Variants in STX18 observed in about 807,000 individuals in gnomAD.
The protein encoded by STX18 is syntaxin-18.
STX18 carries 40 observed loss-of-function variants against 50.1 expected under a neutral mutation model. The ratio of observed to expected loss-of-function variants is 0.80; its 90% CI spans 0.62 to 1.04. STX18 has a LOEUF of 1.04. Among genes scored for constraint, STX18 ranks in the 50% least tolerant of loss-of-function variants. The probability of loss-of-function intolerance (pLI) is 0.00; values close to 1 mark genes in which losing one functional copy is unlikely to be tolerated. For synonymous variants in STX18, 158 were observed against 151.8 expected (o/e 1.04, Z -0.30); for missense variants, 410 against 415.8 (o/e 0.99, Z 0.12).
chr4:4,500,882 CA>C (rs1487955382), intron 1 of STX18, among the ~76,000 whole-genome samples: 2 of 151,952 alleles, frequency 1.3e-5, no homozygotes, highest in Non-Finnish European at 2.9e-5. Flanking sequence ...CTAAAAAATA[CA>C]AAAATTAGCT....
chr4:4,468,208 G>C (rs1202782703), intron 2 of STX18, among the ~76,000 whole-genome samples: 1 of 152,050 alleles, frequency 6.6e-6, no homozygotes, highest in Middle Eastern at 3.4e-3. Context: ...CTTAGTCTTA[G>C]AATACAGCCT....
At chr4:4,435,539 A>C (rs1483934667) in intron 6 of STX18, among the ~76,000 whole-genome samples, 2 of 152,198 alleles carry the variant, frequency 1.3e-5, no homozygotes, top group Non-Finnish European at 2.9e-5. Flanking sequence ...TACATCTTGG[A>C]GATGGTCCAA....
intron 1 of STX18, among the ~76,000 whole-genome samples, chr4:4,485,943 A>G (rs1461174206): frequency 6.6e-6 from 1 of 152,134 alleles, no homozygotes; most frequent in Non-Finnish European, 1.5e-5. Context: ...CTAGAATTCC[A>G]TGAGCAGCCT....
chr4:4,457,190 C>G lies in STX18; in HGVS notation c.497+1G>C, dbSNP rs1291751471. 2 of 1,613,002 alleles carry G rather than the reference C, an allele frequency of 1.2e-6. No homozygotes were observed. The highest frequency in any genetic ancestry group is 2.7e-5 in the African/African-American group (2 of 74,912). ...GAAACACCAATGAAAGCAATACTTA[C>G]AATCTTTTCTTATCCACCACTCTTT... On this transcript the variant is annotated splice_donor_variant, in intron 5 of 10. Transcript: ENST00000306200. LOFTEE classifies it high-confidence loss of function.
At chr4:4,513,135 ACACAGGAAATCCTTCCCTGGTTGT>A (rs768566400) in intron 1 of STX18, among the ~76,000 whole-genome samples, 59 of 152,344 alleles carry the variant, frequency 3.9e-4, no homozygotes, top group Middle Eastern at 3.4e-3. Context: ...GAGGAGACAG[ACACAGGAAATCCTTCCCTGGTTGT>A]CTCTTTAGGA....
chr4:4,420,251 A>G lies in STX18; in HGVS notation c.913-122T>C, dbSNP rs1724860984. ...TGGCTGTAACTATGGGTGTCGTTCC[A>G]TCTGTGCTTACCTTGAATAGATGGC... On this transcript the variant is annotated intron_variant, in intron 10 of 10. Transcript: ENST00000306200. This position sits in a 1 kb window ranked among gnomAD's most constrained non-coding sequence, Gnocchi z 4.3. The G allele has an allele frequency of 2.6e-5, 19 of 725,824 alleles. No individual in the cohort carries two copies. Among genetic ancestry groups the G allele is most frequent in the Non-Finnish European group, 4.2e-5 (18 of 426,220 alleles). The allele number at this position is 725,824 out of a possible 1,614,324, so 45.0% of individuals were successfully genotyped here.
chr4:4,485,594 G>A (rs765421906), intron 1 of STX18, among the ~76,000 whole-genome samples: 2 of 152,164 alleles, frequency 1.3e-5, no homozygotes, highest in Non-Finnish European at 2.9e-5. Flanking sequence ...GATACTCTTA[G>A]TAGAAGAGGC....
chr4:4,438,459 G>C lies in STX18; in HGVS notation c.548C>G (p.Ser183Cys), dbSNP rs769831978. 1.7e-5 allele frequency: 27 copies of C among 1,613,782 alleles called. No homozygotes were observed. In the Admixed American group the frequency reaches 4.3e-4, roughly 26 times the overall value. Residue 183 changes from serine (S) to cysteine (C), a missense_variant, in exon 6 of 11, where the codon TCT becomes TGT. By Grantham distance (112) the Ser-to-Cys change is moderately radical. Coordinates refer to ENST00000306200, the MANE Select transcript of STX18 (RefSeq NM_016930.4). ...PNTKTRESTS[S>C]EKVSQSPSKD... ...TGAAGGACTCTGTGAAACTTTCTCA[G>C]AAGATGTGGATTCTCTTGTCTTTGT...
chr4:4,490,672 C>T (rs1728902636), intron 1 of STX18, among the ~76,000 whole-genome samples: 1 of 152,102 alleles, frequency 6.6e-6, no homozygotes, highest in South Asian at 2.1e-4. Flanking sequence ...GCTCCTATAA[C>T]AATCACTAAG....
chr4:4,421,480 CTT>C (rs760904430), intron 9 of STX18, among the ~76,000 whole-genome samples: 27 of 152,198 alleles, frequency 1.8e-4, no homozygotes, highest in Non-Finnish European at 3.5e-4. Flanking sequence ...GTCTTGAACT[CTT>C]GAGCTCACAC....
intron 7 of STX18, among the ~76,000 whole-genome samples, chr4:4,428,978 T>C (rs543118998): frequency 1.3e-5 from 2 of 152,340 alleles, no homozygotes; most frequent in South Asian, 4.1e-4. Flanking sequence ...GCTCCCTGCA[T>C]TGGCCCATCT....
rs756411297 is a variant in STX18, at chr4:4,423,550, G to A, written c.799C>T (p.Gln267Ter). Residue 267 changes from glutamine to a stop codon, truncating the protein, a stop_gained, in exon 9 of 11, where the codon CAA becomes TAA. Coordinates refer to ENST00000306200, the MANE Select transcript of STX18 (RefSeq NM_016930.4). LOFTEE classifies it high-confidence loss of function. ...AAAACCTTTTCCGTGAATATCTCTT[G>A]GAGTCTGGAAATCTCAACCACTCTC... The part of the protein sequence containing the change: ...EGRVVEISRL[Q>*]EIFTEKVLQQ... 1.2e-6 allele frequency: 2 copies of A among 1,614,122 alleles called. No individual in the cohort carries two copies. Among genetic ancestry groups the A allele is most frequent in the Admixed American group, 3.3e-5 (2 of 60,016 alleles).
chr4:4,422,236 A>AG (rs1725006768), intron 9 of STX18, among the ~76,000 whole-genome samples: 1 of 127,666 alleles, frequency 7.8e-6, no homozygotes, highest in African/African-American at 3.7e-5. Flanking sequence ...ACACTGATGG[A>AG]AAAAACAAGA....
At chr4:4,484,931 G>A (rs1020311263) in intron 1 of STX18, among the ~76,000 whole-genome samples, 2 of 152,242 alleles carry the variant, frequency 1.3e-5, no homozygotes, top group Admixed American at 1.3e-4. Flanking sequence ...AAAGAGGAAG[G>A]GAGGAGGGAG....
At position 4,420,220 on chromosome 4, in the gene STX18, T is replaced by C. The variant is rs1414908370; in HGVS notation, c.913-91A>G. ...GCCCCCCTCTTCCCACGTGCTCTCC[T>C]GATCCTGGCTGTAACTATGGGTGTC... On this transcript the variant is annotated intron_variant, in intron 10 of 10. Coordinates refer to ENST00000306200, the MANE Select transcript of STX18 (RefSeq NM_016930.4). The surrounding 1 kb of genome is among the most constrained non-coding windows in gnomAD (Gnocchi z 4.3). 2.7e-5 allele frequency: 26 copies of C among 960,872 alleles called. No individual in the cohort carries two copies. In the Admixed American group the frequency reaches 5.3e-4, roughly 20 times the overall value. 59.5% of individuals were successfully genotyped at this position (960,872 alleles called of 1,614,324 possible). A position where few individuals can be genotyped will look rare whatever the true frequency, so the allele number is the denominator to read the frequency against.
chr4:4,508,435 A>G (rs1181641680), intron 1 of STX18, among the ~76,000 whole-genome samples: 2 of 152,180 alleles, frequency 1.3e-5, no homozygotes, highest in Non-Finnish European at 2.9e-5. Context: ...GATTATATAT[A>G]AAATATACAT....
At chr4:4,504,025 A>G (rs1729580888) in intron 1 of STX18, among the ~76,000 whole-genome samples, 1 of 152,240 alleles carries the variant, frequency 6.6e-6, no homozygotes, top group Admixed American at 6.5e-5. Context: ...CATGAATAAA[A>G]ATGTGTAAAG....
intron 1 of STX18, among the ~76,000 whole-genome samples, chr4:4,473,691 G>A (rs1056812870): frequency 3.9e-5 from 6 of 152,144 alleles, no homozygotes; most frequent in African/African-American, 1.4e-4. Flanking sequence ...CTACTCCTCT[G>A]TTTCAAAACC....
chr4:4,468,016 ACAT>A (rs1468212036), intron 2 of STX18, among the ~76,000 whole-genome samples: 3 of 152,236 alleles, frequency 2.0e-5, no homozygotes, highest in African/African-American at 2.4e-5. Context: ...AAGGCGCTTA[ACAT>A]CATTCTCATT....
Sources: gnomAD v4.1 joint callset for allele counts (sites outside exome capture counted in the v4.1 genomes callset) on GRCh38, gnomAD v4.1.1 for gene constraint, Gnocchi (gnomAD v3.1) non-coding constraint, MANE v1.5 for transcripts, NCBI Gene and HGNC (gene_info 2026-07-23, HGNC 2026-07-21) for gene names.